ARHGEF11: variants seen among roughly 807,000 people sequenced by gnomAD.
The protein encoded by ARHGEF11 is Rho guanine nucleotide exchange factor 11, also known as Rho guanine exchange factor (GEF) 11.
ARHGEF11 carries 55 observed loss-of-function variants against 193.7 expected under a neutral mutation model. The observed-to-expected ratio is 0.28, with a 90% CI of 0.23 to 0.36. The LOEUF is 0.36. ARHGEF11 is among the 10% of genes least tolerant of loss of function. The probability of loss-of-function intolerance (pLI) is 1.00; values close to 1 mark genes in which losing one functional copy is unlikely to be tolerated. For synonymous variants in ARHGEF11, 693 were observed against 768.0 expected (o/e 0.90, Z 1.62); for missense variants, 1,723 against 2,005.6 (o/e 0.86, Z 2.69).
chr1:156,937,052 A>G (rs1408989315), intron 39 of ARHGEF11, 47 bp from the exon 40 acceptor site: 1 of 1,595,970 alleles, frequency 6.3e-7, no homozygotes, highest in African/African-American at 1.3e-5. Context: ...TTCTATTCCT[A>G]AGGCCCCTGG....
chr1:156,960,495 G>A lies in ARHGEF11; in HGVS notation c.1240-35C>T, dbSNP rs149042802. 446 of 1,610,138 alleles carry A rather than the reference G, an allele frequency of 2.8e-4. No individual in the cohort carries two copies. In the African/African-American group the frequency reaches 5.1e-3, roughly 18 times the overall value. On this transcript the variant is annotated intron_variant, in intron 14 of 40. Transcript: ENST00000368194. Reference sequence around the variant, plus strand: ...AGAAGTGTGGAGCAGAAGCAGTCAGGTCTGCACACTCCAGGGAGATGAGCA... The same window carrying A: ...AGAAGTGTGGAGCAGAAGCAGTCAGATCTGCACACTCCAGGGAGATGAGCA...
At chr1:157,027,470 T>C (rs1389004348) in intron 1 of ARHGEF11, among the ~76,000 whole-genome samples, 1 of 151,970 alleles carries the variant, frequency 6.6e-6, no homozygotes, top group African/African-American at 2.4e-5. Flanking sequence ...TTGGATGTCA[T>C]ATAAAAATCA....
chr1:156,969,416 C>G (rs1164661349), intron 9 of ARHGEF11, 58 bp from the exon 10 acceptor site: 10 of 1,510,598 alleles, frequency 6.6e-6, no homozygotes, highest in Non-Finnish European at 9.0e-6. Context: ...GGAAAGAGAG[C>G]CTTTATTCTG....
chr1:157,014,734 A>C (rs1668991433), intron 1 of ARHGEF11, among the ~76,000 whole-genome samples: 1 of 152,124 alleles, frequency 6.6e-6, no homozygotes, highest in Non-Finnish European at 1.5e-5. Context: ...TAAGATTACC[A>C]ACAGCCCCTC....
rs3187878 is a variant in ARHGEF11 at position 156,934,852 on chromosome 1, A to G, written c.*1148T>C. On this transcript the variant is annotated 3_prime_UTR_variant, in exon 41 of 41. Transcript: ENST00000368194. ...CACACACCACCACTGAAGGATATTT[A>G]ACTTTTCTTAAAAAAAAAATCTTAA... 0.18 allele frequency: 26,622 copies of G among 151,122 alleles called. 2,381 individuals are homozygous for G. The highest frequency in any genetic ancestry group is 0.32 in the East Asian group (1,622 of 5,136). The allele number at this position is 151,122 out of a possible 1,614,324, so 9.4% of individuals were successfully genotyped here. A position where few individuals can be genotyped will look rare whatever the true frequency, so the allele number is the denominator to read the frequency against.
At chr1:157,042,802 A>G (rs116747679) in intron 1 of ARHGEF11, among the ~76,000 whole-genome samples, 1,937 of 152,300 alleles carry the variant, frequency 0.013, 38 homozygotes, top group African/African-American at 0.044. Context: ...TTTACCAGAA[A>G]GAGTTCACCA....
At chr1:156,958,104 A>G (rs1433445685) in intron 17 of ARHGEF11, among the ~76,000 whole-genome samples, 1 of 152,170 alleles carries the variant, frequency 6.6e-6, no homozygotes, top group Admixed American at 6.5e-5. Context: ...CTTGTATGGA[A>G]TGGCTTAACC....
At chr1:156,939,457 G>A (rs1656293534) in intron 37 of ARHGEF11, 91 bp downstream of exon 37, 4 of 1,565,542 alleles carry the variant, frequency 2.6e-6, no homozygotes, top group Non-Finnish European at 3.5e-6. Context: ...GGTACCCAGG[G>A]GGAGTATAGG....
At chr1:156,990,619 C>T (rs1025656981) in intron 1 of ARHGEF11, among the ~76,000 whole-genome samples, 1 of 152,170 alleles carries the variant, frequency 6.6e-6, no homozygotes, top group African/African-American at 2.4e-5. Flanking sequence ...GTCATCTCAT[C>T]CCTTTTCTGG....
intron 11 of ARHGEF11, 80 bp from the exon 12 acceptor site, chr1:156,963,674 T>C: frequency 6.4e-7 from 1 of 1,569,646 alleles, no homozygotes; most frequent in Non-Finnish European, 8.6e-7. Flanking sequence ...GTTTGTTTAG[T>C]TGCAGCACAG....
At chr1:157,028,574 G>A (rs550162654) in intron 1 of ARHGEF11, among the ~76,000 whole-genome samples, 14 of 152,102 alleles carry the variant, frequency 9.2e-5, no homozygotes, top group Admixed American at 5.9e-4. Context: ...TATTTGAATC[G>A]ATCTCAGAGA....
In ARHGEF11 at chr1:156,955,840, A is replaced by T. The variant is rs764293315; in HGVS notation, c.1672-41T>A. 2.7e-6 allele frequency: 4 copies of T among 1,503,592 alleles called. No homozygotes were observed. The South Asian group carries it at 3.4e-5, about 13-fold the overall frequency. The allele number at this position is 1,503,592 out of a possible 1,614,324, so 93.1% of individuals were successfully genotyped here. A position where few individuals can be genotyped will look rare whatever the true frequency, so the allele number is the denominator to read the frequency against. On this transcript the variant is annotated intron_variant, in intron 19 of 40. Transcript: ENST00000368194. ...ACACTGGTGTTTGCAGGAGGTCCTG[A>T]TACCCAGGCGTGGCTGCTAATCAAT...
intron 1 of ARHGEF11, among the ~76,000 whole-genome samples, chr1:157,015,485 T>C (rs1209029279): frequency 1.3e-5 from 2 of 152,248 alleles, no homozygotes; most frequent in African/African-American, 2.4e-5. Flanking sequence ...GGCTGGGTTA[T>C]CTTTACCCTG....
chr1:157,043,058 A>G (rs1248974134), intron 1 of ARHGEF11, among the ~76,000 whole-genome samples: 1 of 152,196 alleles, frequency 6.6e-6, no homozygotes, highest in African/African-American at 2.4e-5. Flanking sequence ...GGACTGCTGA[A>G]CTAATCTAAA....
chr1:156,954,943 A>G, intron 20 of ARHGEF11, 22 bp from the exon 21 acceptor site: 1 of 1,593,672 alleles, frequency 6.3e-7, no homozygotes. Context: ...ACAAACAAAA[A>G]CAAAAGTAAA....
intron 1 of ARHGEF11, among the ~76,000 whole-genome samples, chr1:157,020,214 T>C (rs1669808004): frequency 6.6e-6 from 1 of 152,128 alleles, no homozygotes; most frequent in African/African-American, 2.4e-5. Context: ...TTATCTTGAT[T>C]GTGGGGATAG....
chr1:156,956,662 T>C (rs1660006279), intron 18 of ARHGEF11, 98 bp from the exon 19 acceptor site: 13 of 1,520,698 alleles, frequency 8.5e-6, no homozygotes, highest in Non-Finnish European at 1.2e-5. Context: ...GGGGAAGGGG[T>C]AGTTACAGGT....
intron 22 of ARHGEF11, among the ~76,000 whole-genome samples, chr1:156,950,506 G>A (rs1658913709): frequency 6.6e-6 from 1 of 152,136 alleles, no homozygotes; most frequent in African/African-American, 2.4e-5. Context: ...CAGGTGCAGT[G>A]GTGCATGCCT....
intron 19 of ARHGEF11, 58 bp from the exon 20 acceptor site, chr1:156,955,857 C>T: frequency 1.5e-6 from 2 of 1,311,780 alleles, no homozygotes; most frequent in Non-Finnish European, 2.2e-6. Context: ...GGCGTGGCTG[C>T]TAATCAATTC....
Sources: gnomAD v4.1 joint callset for allele counts (sites outside exome capture counted in the v4.1 genomes callset) on GRCh38, gnomAD v4.1.1 for gene constraint, MANE v1.5 for transcripts, NCBI Gene and HGNC (gene_info 2026-07-23, HGNC 2026-07-21) for gene names.